SYNE2: variants seen among roughly 807,000 people sequenced by gnomAD.
The protein encoded by SYNE2 is nesprin-2.
A neutral mutation model predicts 856.3 loss-of-function variants in SYNE2; 431 were observed. The ratio of observed to expected loss-of-function variants is 0.50; its 90% CI spans 0.47 to 0.55. The LOEUF is 0.55. Among genes scored for constraint, SYNE2 ranks in the 20% least tolerant of loss-of-function variants. SYNE2 has a pLI of 0.00. For synonymous variants in SYNE2, 2,923 were observed against 2,872.3 expected (o/e 1.02, Z -0.56); for missense variants, 8,129 against 8,023.2 (o/e 1.01, Z -0.50).
chr14:63,798,239 A>C (rs1278907191), intron 1 of SYNE2, among the ~76,000 whole-genome samples: 9 of 151,950 alleles, frequency 5.9e-5, no homozygotes. Context: ...AACTAGAGAT[A>C]AGGTCTCACT....
chr14:64,115,479 G>A (rs1034159560), intron 66 of SYNE2, among the ~76,000 whole-genome samples: 2 of 152,200 alleles, frequency 1.3e-5, no homozygotes, highest in Non-Finnish European at 2.9e-5. Flanking sequence ...GGGTCAGAGA[G>A]CGCCGAAGGG....
At chr14:63,847,585 A>ATT (rs1194475873) in intron 1 of SYNE2, among the ~76,000 whole-genome samples, 10 of 137,592 alleles carry the variant, frequency 7.3e-5, no homozygotes, top group East Asian at 2.1e-4. Flanking sequence ...TATGTTCTGT[A>ATT]TTTTTTTTTT....
intron 45 of SYNE2, among the ~76,000 whole-genome samples, chr14:64,036,078 CT>C (rs2153554211): frequency 6.6e-6 from 1 of 151,986 alleles, no homozygotes; most frequent in East Asian, 1.9e-4. Flanking sequence ...CTTTTAAATC[CT>C]TTAAGAGGCT....
intron 53 of SYNE2, 78 bp from the exon 54 acceptor site, chr14:64,075,867 T>C: frequency 2.6e-6 from 4 of 1,513,022 alleles, no homozygotes; most frequent in Non-Finnish European, 3.7e-6. Flanking sequence ...AAGGATGTGC[T>C]GGAAGGCTGC....
At chr14:64,133,602 A>G (rs1026616966) in intron 77 of SYNE2, among the ~76,000 whole-genome samples, 2 of 152,172 alleles carry the variant, frequency 1.3e-5, no homozygotes, top group Non-Finnish European at 2.9e-5. Context: ...GAGCAGACCT[A>G]TGCTGCAAGT....
intron 45 of SYNE2, among the ~76,000 whole-genome samples, chr14:64,032,429 G>A (rs1259060057): frequency 6.6e-6 from 1 of 152,148 alleles, no homozygotes; most frequent in Non-Finnish European, 1.5e-5. Flanking sequence ...GGGCATGACA[G>A]TGCACATCTG....
chr14:63,927,152 C>T (rs1261177630), intron 2 of SYNE2, among the ~76,000 whole-genome samples: 1 of 152,194 alleles, frequency 6.6e-6, no homozygotes, highest in Non-Finnish European at 1.5e-5. Flanking sequence ...AGAGAGAAAC[C>T]ATCTAACAAT....
intron 1 of SYNE2, among the ~76,000 whole-genome samples, chr14:63,860,910 G>A (rs1026065213): frequency 2.0e-5 from 3 of 152,124 alleles, no homozygotes; most frequent in African/African-American, 4.8e-5. Context: ...GGCAAAGCAT[G>A]GTCAGCTGGA....
chr14:63,854,609 A>G (rs1051937567), intron 1 of SYNE2, among the ~76,000 whole-genome samples: 15 of 152,370 alleles, frequency 9.8e-5, no homozygotes, highest in Middle Eastern at 3.4e-3. Context: ...TAAAAAGTGG[A>G]AATGTTTAGG....
At chr14:63,891,354 A>G (rs904889371) in intron 1 of SYNE2, among the ~76,000 whole-genome samples, 1 of 152,238 alleles carries the variant, frequency 6.6e-6, no homozygotes, top group Non-Finnish European at 1.5e-5. Context: ...GAGGCCAGCC[A>G]TAGGAAAAGG....
At chr14:64,218,566 C>A in intron 109 of SYNE2, 54 bp downstream of exon 109, 1 of 1,543,872 alleles carries the variant, frequency 6.5e-7, no homozygotes, top group Non-Finnish European at 8.9e-7. Context: ...TATTTAAGTC[C>A]TTGCTCAAGA....
intron 103 of SYNE2, 25 bp downstream of exon 103, chr14:64,210,149 G>C: frequency 6.2e-7 from 1 of 1,610,984 alleles, no homozygotes. Flanking sequence ...ACCTGGCTCG[G>C]GTGTAGATTT....
At chr14:64,077,043 A>C (rs2097467381) in intron 54 of SYNE2, among the ~76,000 whole-genome samples, 1 of 152,194 alleles carries the variant, frequency 6.6e-6, no homozygotes, top group Admixed American at 6.5e-5. Flanking sequence ...GCTCATGAAT[A>C]CTTATGAAAA....
chr14:64,220,020 A>G (rs1307094826), intron 110 of SYNE2, among the ~76,000 whole-genome samples: 4 of 152,284 alleles, frequency 2.6e-5, no homozygotes, highest in Non-Finnish European at 4.4e-5. Flanking sequence ...GGTACCTTTC[A>G]TATTTGTACT....
At chr14:64,032,651 C>A (rs918617524) in intron 45 of SYNE2, among the ~76,000 whole-genome samples, 5 of 152,162 alleles carry the variant, frequency 3.3e-5, no homozygotes, top group African/African-American at 1.2e-4. Context: ...TGGCTCACCG[C>A]AACCTCTGCC....
At chr14:63,769,264 C>A (rs1158878600) in intron 1 of SYNE2, among the ~76,000 whole-genome samples, 1 of 152,092 alleles carries the variant, frequency 6.6e-6, no homozygotes, top group East Asian at 1.9e-4. Flanking sequence ...AATAGAGAAT[C>A]AGGAAGGCCA....
intron 99 of SYNE2, among the ~76,000 whole-genome samples, chr14:64,194,205 AATATT>A: frequency 6.6e-6 from 1 of 152,272 alleles, no homozygotes; most frequent in Non-Finnish European, 1.5e-5. Context: ...GATGACAAGA[AATATT>A]ATATGCTACT....
chr14:64,217,139 G>A (rs1002253907), intron 108 of SYNE2, among the ~76,000 whole-genome samples: 4 of 152,208 alleles, frequency 2.6e-5, no homozygotes, highest in African/African-American at 9.6e-5. Flanking sequence ...CCATTGCCAT[G>A]GTACCTGAGG....
At position 64,167,344 on chromosome 14, in the gene SYNE2, C is replaced by A. The variant is rs138323662; in HGVS notation, c.16717C>A (p.Arg5573=). 1.4e-5 allele frequency: 22 copies of A among 1,614,174 alleles called. No individual in the cohort carries two copies. In the South Asian group the frequency reaches 2.3e-4, roughly 17 times the overall value. Residue 5573 remains arginine, a synonymous_variant, in exon 91 of 116, where the codon CGG becomes AGG. Transcript: ENST00000555002. The stretch of plus-strand genomic sequence containing the variant: ...TGTGAAGACGTTACAAAATATGAAC[C>A]GGCAATGGATTCGGGCCACGGCCAC... ...VAVKTLQNMN[R]QWIRATATAL...
Sources: allele counts gnomAD v4.1 joint callset (sites outside exome capture counted in the v4.1 genomes callset), GRCh38; gene constraint gnomAD v4.1.1; transcripts MANE v1.5; gene names NCBI Gene and HGNC (gene_info 2026-07-23, HGNC 2026-07-21).